The following DNAJC5B variants were observed in gnomAD, a reference collection of about 807,000 sequenced individuals.
The protein encoded by DNAJC5B is DnaJ heat shock protein family (Hsp40) member C5 beta.
In DNAJC5B, 23 loss-of-function variants were observed where a neutral mutation model predicts 24.7. That is an observed-to-expected ratio of 0.93 (90% CI 0.67 to 1.32). The LOEUF is 1.32. Ranked by LOEUF, DNAJC5B falls within the 40% of genes most tolerant of loss-of-function variation. The pLI is 0.00. For missense variants in DNAJC5B, 238 were observed against 240.8 expected, an observed-to-expected ratio of 0.99 and a Z score of 0.08; for synonymous variants, 101 against 90.1, an observed-to-expected ratio of 1.12 and a Z score of -0.68.
At chr8:66,028,597 GGCGA>G (rs1049791222) in intron 1 of DNAJC5B, among the ~76,000 whole-genome samples, 105 of 152,230 alleles carry the variant, frequency 6.9e-4, no homozygotes, top group African/African-American at 2.3e-3. Flanking sequence ...CAGTTTCTCT[GGCGA>G]GGATCTCAGG....
intron 3 of DNAJC5B, among the ~76,000 whole-genome samples, chr8:66,075,604 A>T (rs769355442): frequency 3.3e-5 from 5 of 152,190 alleles, no homozygotes; most frequent in Non-Finnish European, 4.4e-5. Flanking sequence ...GATGAAAATA[A>T]GTTTTGGTTA....
chr8:66,045,373 T>G (rs1002838577), intron 2 of DNAJC5B, among the ~76,000 whole-genome samples: 27 of 152,368 alleles, frequency 1.8e-4, no homozygotes, highest in African/African-American at 6.3e-4. Flanking sequence ...CTACCCATTC[T>G]GAATATTGAT....
chr8:66,051,316 G>A (rs1806839471), intron 2 of DNAJC5B, among the ~76,000 whole-genome samples: 1 of 152,206 alleles, frequency 6.6e-6, no homozygotes, highest in Admixed American at 6.5e-5. Flanking sequence ...TGTGGAGAAA[G>A]CCCTGTTCCA....
At chr8:66,015,836 C>T in the DNAJC5B span, among the ~76,000 whole-genome samples, 1 of 152,100 alleles carries the variant, frequency 6.6e-6, no homozygotes, top group Non-Finnish European at 1.5e-5. Flanking sequence ...TGAGGCTCAC[C>T]ACTAAGAATG....
chr8:66,082,133 G>A (rs1184588022), intron 5 of DNAJC5B, among the ~76,000 whole-genome samples: 1 of 151,932 alleles, frequency 6.6e-6, no homozygotes, highest in Non-Finnish European at 1.5e-5. Context: ...GGGGTTGCTG[G>A]CCCCATAGAC....
Position 66,076,803 on chromosome 8 carries a change from T to C in DNAJC5B, c.263T>C (p.Leu88Pro). ...TACGACAAGTACGGATCGCTGGGAC[T>C]CTACGTGGCCGAGCAGTTTGGAGAC... is the stretch of plus-strand genomic sequence containing the variant. ...SIYDKYGSLGLYVAEQFGDEN... is the reference protein window; with the variant it reads ...SIYDKYGSLGPYVAEQFGDEN... Residue 88 changes from leucine to proline, a missense_variant, in exon 4 of 6, where the codon CTC (leucine) becomes CCC (proline). Coordinates refer to ENST00000276570, the MANE Select transcript of DNAJC5B (RefSeq NM_033105.6). 2 of 1,614,198 alleles carry C rather than the reference T, an allele frequency of 1.2e-6. No individual in the cohort carries two copies. Among genetic ancestry groups the C allele is most frequent in the Non-Finnish European group, 1.7e-6 (2 of 1,180,018 alleles).
intron 5 of DNAJC5B, among the ~76,000 whole-genome samples, chr8:66,091,842 G>A (rs2128966632): frequency 6.6e-6 from 1 of 152,220 alleles, no homozygotes; most frequent in African/African-American, 2.4e-5. Context: ...AAGGAATGAG[G>A]TACTGATACA....
chr8:66,033,914 G>A (rs1057173866), intron 1 of DNAJC5B, among the ~76,000 whole-genome samples: 18 of 152,072 alleles, frequency 1.2e-4, no homozygotes, highest in Middle Eastern at 3.4e-3. Flanking sequence ...GTGGGAGCTC[G>A]TTCTGGATAC....
At chr8:66,022,565 C>T (rs537518053) in intron 1 of DNAJC5B, among the ~76,000 whole-genome samples, 4 of 152,300 alleles carry the variant, frequency 2.6e-5, no homozygotes, top group African/African-American at 9.6e-5. Context: ...AGGTCAGTTA[C>T]CCACAGGGGA....
chr8:66,099,832 G>A (rs1808033621), intron 5 of DNAJC5B, 105 bp from the exon 6 acceptor site: 3 of 927,842 alleles, frequency 3.2e-6, no homozygotes, highest in African/African-American at 1.7e-5. Context: ...TATGAATTGA[G>A]TTGATTTGCC....
intron 3 of DNAJC5B, among the ~76,000 whole-genome samples, chr8:66,063,548 C>CA (rs1194922497): frequency 7.2e-5 from 11 of 152,204 alleles, no homozygotes; most frequent in Non-Finnish European, 1.0e-4. Context: ...AGGCCATACT[C>CA]ACAGCCCACT....
chr8:66,068,871 A>C (rs375330801), intron 3 of DNAJC5B, among the ~76,000 whole-genome samples: 4 of 152,160 alleles, frequency 2.6e-5, no homozygotes, highest in Non-Finnish European at 5.9e-5. Context: ...AAGCACAACA[A>C]TTAGACTTAC....
intron 3 of DNAJC5B, among the ~76,000 whole-genome samples, chr8:66,071,033 C>T (rs1375956614): frequency 6.6e-6 from 1 of 152,134 alleles, no homozygotes; most frequent in Non-Finnish European, 1.5e-5. Flanking sequence ...CTTCCTTACA[C>T]CTTATACAAA....
chr8:66,081,034 G>C (rs1282198774), intron 5 of DNAJC5B, among the ~76,000 whole-genome samples: 1 of 152,146 alleles, frequency 6.6e-6, no homozygotes, highest in Non-Finnish European at 1.5e-5. Context: ...AACTAGGAGA[G>C]AGAAGTCCTT....
intron 1 of DNAJC5B, among the ~76,000 whole-genome samples, chr8:66,028,217 C>G (rs961433027): frequency 5.9e-5 from 9 of 152,294 alleles, no homozygotes; most frequent in African/African-American, 2.2e-4. Flanking sequence ...AAACAATTTC[C>G]TAGTGAAAAT....
intron 3 of DNAJC5B, among the ~76,000 whole-genome samples, chr8:66,070,928 C>T (rs943438587): frequency 1.3e-5 from 2 of 152,144 alleles, no homozygotes; most frequent in Non-Finnish European, 2.9e-5. Context: ...TTTTGACAGA[C>T]CTGACACAAA....
chr8:66,040,097 G>A (rs1300559644), intron 1 of DNAJC5B, among the ~76,000 whole-genome samples: 1 of 152,114 alleles, frequency 6.6e-6, no homozygotes, highest in Non-Finnish European at 1.5e-5. Flanking sequence ...TAGGCTTCAA[G>A]AAAGTGACTT....
At chr8:66,046,204 A>G (rs1423217914) in intron 2 of DNAJC5B, among the ~76,000 whole-genome samples, 1 of 152,134 alleles carries the variant, frequency 6.6e-6, no homozygotes, top group Non-Finnish European at 1.5e-5. Context: ...TTCTTGCATA[A>G]CCCACACATT....
chr8:66,043,610 A>G lies in DNAJC5B; in HGVS notation c.-19A>G, dbSNP rs1806662581. ...GCTGTTTGCTTTGAAACGGTGGAAC[A>G]GGTATGGAACAGCAGCTTTTGCTGT... On this transcript the variant is annotated splice_region_variant and 5_prime_UTR_variant, in exon 2 of 6. Transcript: ENST00000276570. The G allele has an allele frequency of 6.6e-6, 1 of 152,212 alleles. No individual in the cohort carries two copies. The allele number at this position is 152,212 out of a possible 1,614,324, so 9.4% of individuals were successfully genotyped here.
Sources: gnomAD v4.1 joint callset for allele counts (sites outside exome capture counted in the v4.1 genomes callset) on GRCh38, gnomAD v4.1.1 for gene constraint, MANE v1.5 for transcripts, NCBI Gene and HGNC (gene_info 2026-07-23, HGNC 2026-07-21) for gene names.